ABCC4: variants seen among roughly 807,000 people sequenced by gnomAD.
The protein encoded by ABCC4 is ATP-binding cassette sub-family C member 4.
A neutral mutation model predicts 168.5 loss-of-function variants in ABCC4; 102 were observed. That is an observed-to-expected ratio of 0.61 (90% CI 0.52 to 0.71). The LOEUF (loss-of-function observed/expected upper bound fraction) is 0.71, where lower values mean the gene tolerates loss of function less well. Among genes scored for constraint, ABCC4 ranks in the 30% least tolerant of loss-of-function variants. ABCC4 has a pLI of 0.00. For synonymous variants in ABCC4, 617 were observed against 590.7 expected, an observed-to-expected ratio of 1.04 and a Z score of -0.65; for missense variants, 1,402 against 1,605.8, an observed-to-expected ratio of 0.87 and a Z score of 2.17.
intron 3 of ABCC4, among the ~76,000 whole-genome samples, chr13:95,242,448 G>A (rs888659582): frequency 6.6e-6 from 1 of 152,022 alleles, no homozygotes; most frequent in African/African-American, 2.4e-5. Flanking sequence ...GGCTGGTCTC[G>A]AACTCCTGAC....
intron 1 of ABCC4, among the ~76,000 whole-genome samples, chr13:95,266,946 T>G (rs1229316623): frequency 6.8e-6 from 1 of 146,640 alleles, no homozygotes; most frequent in Non-Finnish European, 1.5e-5. Context: ...CTCAGCTCAC[T>G]GCAACCTCCA....
intron 20 of ABCC4, chr13:95,096,127 G>T (rs1055078634): frequency 2.1e-5 from 13 of 622,014 alleles, no homozygotes; most frequent in Non-Finnish European, 2.9e-5. Flanking sequence ...GAGGAGGATT[G>T]CTTGAGCCTA....
At position 95,178,610 on chromosome 13, in the gene ABCC4, T is replaced by C. The variant is rs559287652; in HGVS notation, c.1546-519A>G. Reference sequence around the variant, plus strand: ...CACAGAGTGCAGGAAGAGTGCTCCATAGAGGAATGAGCAAGCACAAAACCC... The same window carrying C: ...CACAGAGTGCAGGAAGAGTGCTCCACAGAGGAATGAGCAAGCACAAAACCC... On this transcript the variant is annotated intron_variant, in intron 11 of 30. Transcript: ENST00000645237. Among the ~76,000 whole-genome samples, 7 of 152,108 alleles carry C rather than the reference T, an allele frequency of 4.6e-5. No individual in the cohort carries two copies. In the East Asian group the frequency reaches 5.8e-4, roughly 13 times the overall value.
chr13:95,024,733 C>T (rs1251957547), intron 30 of ABCC4, among the ~76,000 whole-genome samples: 1 of 152,112 alleles, frequency 6.6e-6, no homozygotes, highest in African/African-American at 2.4e-5. Flanking sequence ...AATTGGCATG[C>T]ATATTGTCAA....
chr13:95,132,831 T>C (rs996749765), intron 19 of ABCC4, among the ~76,000 whole-genome samples: 2 of 152,116 alleles, frequency 1.3e-5, no homozygotes, highest in Non-Finnish European at 2.9e-5. Flanking sequence ...GGAAAAAGAC[T>C]GTTTGATTCC....
At chr13:95,140,237 C>T (rs1451641871) in intron 19 of ABCC4, among the ~76,000 whole-genome samples, 1 of 152,210 alleles carries the variant, frequency 6.6e-6, no homozygotes, top group Non-Finnish European at 1.5e-5. Flanking sequence ...GGGGACTATC[C>T]CCAGTCTCTG....
At chr13:95,082,490 A>G (rs1001016616) in intron 21 of ABCC4, among the ~76,000 whole-genome samples, 2 of 152,146 alleles carry the variant, frequency 1.3e-5, no homozygotes, top group Non-Finnish European at 2.9e-5. Context: ...CAGTGTCCAT[A>G]TATATATAAA....
intron 20 of ABCC4, among the ~76,000 whole-genome samples, chr13:95,097,573 C>T (rs1376685834): frequency 7.2e-6 from 1 of 139,426 alleles, no homozygotes; most frequent in Non-Finnish European, 1.5e-5. Context: ...CTATACTCCA[C>T]AGCTACAGAA....
chr13:95,071,880 G>T, intron 24 of ABCC4, 27 bp from the exon 25 acceptor site: 15 of 1,431,994 alleles, frequency 1.0e-5, no homozygotes, highest in Non-Finnish European at 1.4e-5. Flanking sequence ...ATCCCGAGGG[G>T]TTAGGAATGG....
chr13:95,301,356 A>G lies in ABCC4; in HGVS notation c.-42T>C, dbSNP rs1477421217. 2.0e-6 allele frequency: 3 copies of G among 1,533,052 alleles called. No homozygotes were observed. Among genetic ancestry groups the G allele is most frequent in the East Asian group, 5.1e-5 (2 of 39,156 alleles). The allele number at this position is 1,533,052 out of a possible 1,614,324, so 95.0% of individuals were successfully genotyped here. A position where few individuals can be genotyped will look rare whatever the true frequency, so the allele number is the denominator to read the frequency against. ...GGCGCGGGCCGGGGTCGCGCTGATC[A>G]GGCGGCGGTGGCCGCGGGCTCCGCT... On this transcript the variant is annotated 5_prime_UTR_variant, in exon 1 of 31. Transcript: ENST00000645237.
rs1566563564 is a variant in ABCC4 at position 95,244,637 on chromosome 13, G to GAAAGAAAGAAAGAAAGAAAGAAAGAAAGA, written c.306+2309_306+2337dup. Reference sequence around the variant, plus strand: ...AGAAAGAAAGAAAGAAAGAAAGAAAGAAAGAAAGAAAGAAAGAAAGAAAGA... The same window carrying GAAAGAAAGAAAGAAAGAAAGAAAGAAAGA: ...AGAAAGAAAGAAAGAAAGAAAGAAAGAAAGAAAGAAAGAAAGAAAGAAAGAAAGAAAAGAAAGAAAGAAAGAAAGAAAGA... On this transcript the variant is annotated intron_variant, in intron 3 of 30. Coordinates refer to ENST00000645237, the MANE Select transcript of ABCC4 (RefSeq NM_005845.5). Among the ~76,000 whole-genome samples, 4 of 81,656 alleles carry GAAAGAAAGAAAGAAAGAAAGAAAGAAAGA rather than the reference G, an allele frequency of 4.9e-5. 1 individual carries two copies. Among genetic ancestry groups the GAAAGAAAGAAAGAAAGAAAGAAAGAAAGA allele is most frequent in the African/African-American group, 1.7e-4 (3 of 17,310 alleles). The allele number at this position is 81,656 out of a possible 152,430, so 53.6% of individuals were successfully genotyped here.
Position 95,207,980 on chromosome 13 carries a change from C to T in ABCC4, c.786-55G>A, listed in dbSNP as rs1048520435. 8 of 1,576,716 alleles carry T rather than the reference C, an allele frequency of 5.1e-6. No homozygotes were observed. The African/African-American group carries it at 9.6e-5, about 19-fold the overall frequency. On this transcript the variant is annotated intron_variant, in intron 6 of 30. Coordinates refer to ENST00000645237, the MANE Select transcript of ABCC4 (RefSeq NM_005845.5). ...CTGAGCGATCACAGCCTGCCCTTAT[C>T]AGCGGCAGGCACAGGCAGGGACCTG...
rs147710861 is a variant in ABCC4 at position 95,193,652 on chromosome 13, C to T, written c.1263+1184G>A. On this transcript the variant is annotated intron_variant, in intron 9 of 30. Transcript: ENST00000645237. ...GACCCCGGACTCAGGTGAGCGTAACCGCAGAACCAGCCCAATCTGGTTCAA... is the reference window on the plus strand; with the variant it reads ...GACCCCGGACTCAGGTGAGCGTAACTGCAGAACCAGCCCAATCTGGTTCAA... 2.7e-3 allele frequency among the ~76,000 whole-genome samples: 411 copies of T among 152,312 alleles called. 4 individuals carry two copies. The highest frequency in any genetic ancestry group is 9.5e-3 in the African/African-American group (395 of 41,556).
intron 20 of ABCC4, among the ~76,000 whole-genome samples, chr13:95,113,740 T>G (rs1269952698): frequency 6.6e-6 from 1 of 152,084 alleles, no homozygotes; most frequent in Admixed American, 6.6e-5. Context: ...AGCCCACTCA[T>G]CGAATGCAAA....
At chr13:95,151,800 T>A (rs952065913) in intron 19 of ABCC4, among the ~76,000 whole-genome samples, 1 of 152,264 alleles carries the variant, frequency 6.6e-6, no homozygotes, top group South Asian at 2.1e-4. Context: ...AAAGCCACTT[T>A]TTACCTGTTA....
chr13:95,090,749 G>A (rs1470306579), intron 20 of ABCC4, among the ~76,000 whole-genome samples: 2 of 152,086 alleles, frequency 1.3e-5, no homozygotes, highest in East Asian at 1.9e-4. Context: ...AATCACACTA[G>A]TTCACCAGCA....
intron 29 of ABCC4, among the ~76,000 whole-genome samples, chr13:95,039,042 G>A (rs757704026): frequency 6.6e-6 from 1 of 152,160 alleles, no homozygotes; most frequent in Non-Finnish European, 1.5e-5. Context: ...ACAATCTGAT[G>A]CTACAAGGGC....
At chr13:95,178,420 A>G (rs1351561153) in intron 11 of ABCC4, among the ~76,000 whole-genome samples, 1 of 152,236 alleles carries the variant, frequency 6.6e-6, no homozygotes, top group African/African-American at 2.4e-5. Flanking sequence ...ACCTGACAAT[A>G]AAAGATTGAC....
At chr13:95,123,710 T>C (rs995944936) in intron 19 of ABCC4, among the ~76,000 whole-genome samples, 39 of 152,240 alleles carry the variant, frequency 2.6e-4, no homozygotes, top group African/African-American at 8.9e-4. Flanking sequence ...TAGATACATG[T>C]AAGTGAGCAC....
Sources: gnomAD v4.1 joint callset for allele counts (sites outside exome capture counted in the v4.1 genomes callset) on GRCh38, gnomAD v4.1.1 for gene constraint, MANE v1.5 for transcripts, NCBI Gene and HGNC (gene_info 2026-07-23, HGNC 2026-07-21) for gene names.